Variants in DNASE2B observed in about 807,000 individuals in gnomAD.
DNASE2B encodes deoxyribonuclease-2-beta.
In DNASE2B, 43 loss-of-function variants were observed where a neutral mutation model predicts 46.0. That is an observed-to-expected ratio of 0.94 (90% CI 0.73 to 1.21). DNASE2B has a LOEUF of 1.21. Among genes scored for constraint, DNASE2B ranks in the 50% most tolerant of loss-of-function variants. The pLI, the probability that DNASE2B is intolerant of heterozygous loss-of-function variation, is 0.00. For synonymous variants in DNASE2B, 156 were observed against 152.5 expected (o/e 1.02, Z -0.17); for missense variants, 395 against 414.4 (o/e 0.95, Z 0.41).
intron 1 of DNASE2B, among the ~76,000 whole-genome samples, chr1:84,399,950 T>C (rs2101846146): frequency 6.6e-6 from 1 of 152,268 alleles, no homozygotes; most frequent in East Asian, 1.9e-4. Context: ...TTTGCAGCAT[T>C]ACAGGTGAGA....
chr1:84,409,237 T>C (rs1416118599), intron 3 of DNASE2B, among the ~76,000 whole-genome samples: 1 of 152,188 alleles, frequency 6.6e-6, no homozygotes, highest in Non-Finnish European at 1.5e-5. Flanking sequence ...GTAATGACTA[T>C]TTTTCAACCT....
intron 2 of DNASE2B, among the ~76,000 whole-genome samples, chr1:84,406,604 T>TGGTTCTGGGGGGAAAATGACAGGAAA (rs1379049443): frequency 6.6e-6 from 1 of 152,216 alleles, no homozygotes; most frequent in Non-Finnish European, 1.5e-5. Flanking sequence ...CTTGAGTGAT[T>TGGTTCTGGGGGGAAAATGACAGGAAA]GGTTCTGGGG....
chr1:84,407,145 C>G (rs180972385), intron 2 of DNASE2B, among the ~76,000 whole-genome samples: 1 of 152,310 alleles, frequency 6.6e-6, no homozygotes, highest in Non-Finnish European at 1.5e-5. Context: ...TCTCTTCCAA[C>G]TAAGGCTACA....
At chr1:84,408,348 T>G (rs150912442) in intron 2 of DNASE2B, 89 bp from the exon 3 acceptor site, 2 of 1,436,754 alleles carry the variant, frequency 1.4e-6, no homozygotes, top group Non-Finnish European at 1.8e-6. Context: ...ATGAAAGCAA[T>G]GTATTGCAGG....
chr1:84,412,202 G>T, intron 4 of DNASE2B, 147 bp from the exon 5 acceptor site: 1 of 685,200 alleles, frequency 1.5e-6, no homozygotes, highest in Non-Finnish European at 2.2e-6. Context: ...TAAACAAAAA[G>T]TTATTTGAAG....
At chr1:84,410,239 T>C (rs879851191) in intron 3 of DNASE2B, among the ~76,000 whole-genome samples, 28 of 152,224 alleles carry the variant, frequency 1.8e-4, no homozygotes, top group Non-Finnish European at 3.5e-4. Context: ...TTTCAAGTTG[T>C]TTATTTTGCT....
Position 84,414,645 on chromosome 1 carries a change from T to G in DNASE2B, c.863T>G (p.Ile288Arg), listed in dbSNP as rs755606469. The part of the protein sequence containing the change: ...NCSLPYHVYN[I>R]KAIKLSRHSY... ...TCCCTTCCTTACCATGTCTACAATATAAAAGCAATTAAATTATCACGACAC... is the reference window on the plus strand; with the variant it reads ...TCCCTTCCTTACCATGTCTACAATAGAAAAGCAATTAAATTATCACGACAC... The change falls in exon 6 of 6, where the codon ATA becomes AGA. Residue 288 changes from isoleucine (I) to arginine (R), a missense_variant. Transcript: ENST00000370665. 1.2e-6 allele frequency: 2 copies of G among 1,613,992 alleles called. No homozygotes were observed. The highest frequency in any genetic ancestry group is 2.7e-5 in the African/African-American group (2 of 74,894).
At chr1:84,399,786 C>T (rs1301974864) in intron 1 of DNASE2B, among the ~76,000 whole-genome samples, 1 of 151,332 alleles carries the variant, frequency 6.6e-6, no homozygotes, top group African/African-American at 2.5e-5. Flanking sequence ...GTGTGCTGAG[C>T]TACAAGGTTT....
intron 2 of DNASE2B, among the ~76,000 whole-genome samples, chr1:84,402,724 ATCTGTTGCT>A (rs1314366379): frequency 6.6e-6 from 1 of 152,164 alleles, no homozygotes; most frequent in African/African-American, 2.4e-5. Flanking sequence ...TCTAGGCATC[ATCTGTTGCT>A]TAGTTTCAAG....
intron 2 of DNASE2B, chr1:84,408,126 G>T: frequency 5.3e-6 from 1 of 189,400 alleles, no homozygotes; most frequent in Non-Finnish European, 1.1e-5. Context: ...TTATACACTG[G>T]TTGCTTAATC....
chr1:84,401,578 C>T (rs1005268051), intron 1 of DNASE2B, among the ~76,000 whole-genome samples: 2 of 152,170 alleles, frequency 1.3e-5, no homozygotes, highest in East Asian at 3.9e-4. Flanking sequence ...TGGTCTGGGC[C>T]TTGGCCTTCT....
At chr1:84,408,605 CTAAA>C in intron 3 of DNASE2B, 87 bp downstream of exon 3, 1 of 1,102,104 alleles carries the variant, frequency 9.1e-7, no homozygotes. Flanking sequence ...ATATTCCATA[CTAAA>C]TAGATAGCCT....
In DNASE2B at chr1:84,410,381, A is replaced by G. The variant is rs115773211; in HGVS notation, c.386-457A>G. Among the ~76,000 whole-genome samples, 559 of 152,306 alleles carry G rather than the reference A, an allele frequency of 3.7e-3. 4 individuals are homozygous for G. The highest frequency in any genetic ancestry group is 0.012 in the African/African-American group (510 of 41,560). On this transcript the variant is annotated intron_variant, in intron 3 of 5. Coordinates refer to ENST00000370665, the MANE Select transcript of DNASE2B (RefSeq NM_021233.3). ...TAAATGGGCAGCAGTTTTTTATAAC[A>G]AATTATTGTGAGTACATTTCTTCAT... is the stretch of plus-strand genomic sequence containing the variant.
chr1:84,411,141 G>A, intron 4 of DNASE2B, 142 bp downstream of exon 4: 2 of 1,087,982 alleles, frequency 1.8e-6, no homozygotes, highest in South Asian at 3.0e-5. Context: ...CTTTGCCATG[G>A]TGAGGTCTTG....
intron 2 of DNASE2B, 93 bp from the exon 3 acceptor site, chr1:84,408,344 G>A: frequency 7.0e-7 from 1 of 1,425,852 alleles, no homozygotes; most frequent in Middle Eastern, 1.8e-4. Flanking sequence ...ATTAATGAAA[G>A]CAATGTATTG....
intron 4 of DNASE2B, among the ~76,000 whole-genome samples, chr1:84,411,453 T>G (rs923204277): frequency 6.9e-6 from 1 of 145,934 alleles, no homozygotes; most frequent in Non-Finnish European, 1.5e-5. Flanking sequence ...TGTGTGTGTG[T>G]GTGTGTGTGT....
chr1:84,406,649 T>C (rs1241536321), intron 2 of DNASE2B, among the ~76,000 whole-genome samples: 2 of 152,202 alleles, frequency 1.3e-5, no homozygotes, highest in African/African-American at 4.8e-5. Context: ...TTTCCATGCC[T>C]GATTGGCATA....
intron 1 of DNASE2B, among the ~76,000 whole-genome samples, chr1:84,400,398 A>C (rs1680384644): frequency 1.3e-5 from 2 of 152,170 alleles, no homozygotes; most frequent in Admixed American, 1.3e-4. Flanking sequence ...AACAAGAAAG[A>C]AAAAGAAAGA....
rs529956541 is a variant in DNASE2B, at chr1:84,410,832, TG to T, written c.386-4del. 6.4e-5 allele frequency: 103 copies of T among 1,607,548 alleles called. No homozygotes were observed. In the Admixed American group the frequency reaches 6.9e-4, roughly 11 times the overall value. ...GATTTATCTTTGTTAAATGTGTCTTTGGTAGGTTTACTGCTGTGGAACAGAG... is the reference window on the plus strand; with the variant it reads ...GATTTATCTTTGTTAAATGTGTCTTTGTAGGTTTACTGCTGTGGAACAGAG... On this transcript the variant is annotated splice_region_variant and splice_polypyrimidine_tract_variant and intron_variant, in intron 3 of 5. Transcript: ENST00000370665.
Sources: allele counts gnomAD v4.1 joint callset (sites outside exome capture counted in the v4.1 genomes callset), GRCh38; gene constraint gnomAD v4.1.1; transcripts MANE v1.5; gene names NCBI Gene and HGNC (gene_info 2026-07-23, HGNC 2026-07-21).